CACNA1B: variants seen among roughly 807,000 people sequenced by gnomAD.
The protein encoded by CACNA1B is voltage-dependent N-type calcium channel subunit alpha-1B.
Under a neutral mutation model 247.2 loss-of-function variants are expected in CACNA1B, and 70 were observed. That is an observed-to-expected ratio of 0.28 (90% CI 0.23 to 0.35). The LOEUF (loss-of-function observed/expected upper bound fraction) is 0.35. Among genes scored for constraint, CACNA1B ranks in the 10% least tolerant of loss-of-function variants. CACNA1B has a pLI of 1.00. For synonymous variants in CACNA1B, 1,231 were observed against 1,294.4 expected, an observed-to-expected ratio of 0.95 and a Z score of 1.05; for missense variants, 2,367 against 3,197.4, an observed-to-expected ratio of 0.74 and a Z score of 6.26.
At chr9:137,972,217 C>G (rs1346869203) in intron 11 of CACNA1B, among the ~76,000 whole-genome samples, 2 of 152,188 alleles carry the variant, frequency 1.3e-5, no homozygotes. Context: ...GCCTCGGACT[C>G]TCTGTCCCAT....
intron 18 of CACNA1B, among the ~76,000 whole-genome samples, chr9:138,016,486 C>T (rs529029980): frequency 3.3e-5 from 5 of 152,314 alleles, no homozygotes; most frequent in South Asian, 2.1e-4. Context: ...TCCTGGTGGC[C>T]CAGAGGCGCC....
chr9:137,957,233 C>T lies in CACNA1B; in HGVS notation c.1244-365C>T, dbSNP rs1291367912. Among the ~76,000 whole-genome samples the T allele has an allele frequency of 6.6e-6, 1 of 152,232 alleles. No individual in the cohort carries two copies. Among genetic ancestry groups the T allele is most frequent in the Non-Finnish European group, 1.5e-5 (1 of 68,044 alleles). On this transcript the variant is annotated intron_variant, in intron 9 of 46. Coordinates refer to ENST00000371372, the MANE Select transcript of CACNA1B (RefSeq NM_000718.4). The surrounding 1 kb of genome is among the most constrained non-coding windows in gnomAD (Gnocchi z 4.7). ...CAGGGCCAGACAGCATGGGCACTTC[C>T]GTGGCAATCTCAGCCGGCCCCATGC... is the stretch of plus-strand genomic sequence containing the variant.
At chr9:137,892,317 C>T (rs1174337520) in intron 3 of CACNA1B, 1 of 456,682 alleles carries the variant, frequency 2.2e-6, no homozygotes, top group Non-Finnish European at 4.4e-6. Context: ...TCCTGGCTGG[C>T]AGATGACTGC....
chr9:137,882,652 C>A lies in CACNA1B; in HGVS notation c.391-92C>A. ...AGACCCTCACGATAGCTGTGGCCTG[C>A]ACATGGTGGGGTGGGGTCCTCACCA... On this transcript the variant is annotated intron_variant, in intron 2 of 46. Coordinates refer to ENST00000371372, the MANE Select transcript of CACNA1B (RefSeq NM_000718.4). This position sits in a 1 kb window ranked among gnomAD's most constrained non-coding sequence, Gnocchi z 4.0. The A allele has an allele frequency of 1.4e-6, 2 of 1,453,834 alleles. No homozygotes were observed. Among genetic ancestry groups the A allele is most frequent in the Non-Finnish European group, 1.9e-6 (2 of 1,046,946 alleles). The allele number at this position is 1,453,834 out of a possible 1,614,324, so 90.1% of individuals were successfully genotyped here.
chr9:138,121,472 A>G lies in CACNA1B; in HGVS notation c.6493A>G (p.Ser2165Gly). The G allele has an allele frequency of 6.8e-7, 1 of 1,479,428 alleles. No individual in the cohort carries two copies. Among genetic ancestry groups the G allele is most frequent in the Non-Finnish European group, 9.0e-7 (1 of 1,109,934 alleles). 91.6% of individuals were successfully genotyped at this position (1,479,428 alleles called of 1,614,324 possible). The change falls in exon 47 of 47, where the codon AGT (serine) becomes GGT (glycine). Residue 2165 changes from serine to glycine, a missense_variant. By Grantham distance (56) the Ser-to-Gly change is moderately conservative. Around this residue, in one of 12 missense-constraint regions of CACNA1B, gnomAD observed 773 missense variants for 779.4 expected, o/e 0.99. Coordinates refer to ENST00000371372, the MANE Select transcript of CACNA1B (RefSeq NM_000718.4). This position sits in a 1 kb window ranked among gnomAD's most constrained non-coding sequence, Gnocchi z 6.8. ...GTTCTGGTCCATTTTCATGTAGGGC[A>G]GTGGTTCCGTGAATGGGAGCCCCTT... ...GQEPGPHPQG[S>G]GSVNGSPLLS...
chr9:137,960,319 G>C (rs1196606035), intron 10 of CACNA1B, among the ~76,000 whole-genome samples: 2 of 150,554 alleles, frequency 1.3e-5, no homozygotes, highest in South Asian at 2.1e-4. Flanking sequence ...CACGGGGCGT[G>C]GGGTGGCGAG....
At chr9:137,999,743 A>C (rs1958543255) in intron 15 of CACNA1B, among the ~76,000 whole-genome samples, 1 of 152,170 alleles carries the variant, frequency 6.6e-6, no homozygotes, top group African/African-American at 2.4e-5. Context: ...CAGTGGGCTC[A>C]AGCGATCCTC....
intron 23 of CACNA1B, among the ~76,000 whole-genome samples, chr9:138,048,721 T>C (rs1312510510): frequency 1.3e-5 from 2 of 152,196 alleles, no homozygotes; most frequent in African/African-American, 4.8e-5. Flanking sequence ...AGGTTTGTTT[T>C]GGTTTGGTTT....
intron 6 of CACNA1B, among the ~76,000 whole-genome samples, chr9:137,921,097 T>C (rs1449177619): frequency 6.6e-6 from 1 of 152,030 alleles, no homozygotes; most frequent in Non-Finnish European, 1.5e-5. Context: ...TAAAACTATG[T>C]GAGAGGATGA....
At position 138,121,415 on chromosome 9, in the gene CACNA1B, G is replaced by C. The variant is rs911717146; in HGVS notation, c.6490-54G>C. 34 of 1,090,518 alleles carry C rather than the reference G, an allele frequency of 3.1e-5. No homozygotes were observed. The African/African-American group carries it at 4.1e-4, about 13-fold the overall frequency. 67.6% of individuals were successfully genotyped at this position (1,090,518 alleles called of 1,614,324 possible). A position where few individuals can be genotyped will look rare whatever the true frequency, so the allele number is the denominator to read the frequency against. On this transcript the variant is annotated intron_variant, in intron 46 of 46. Coordinates refer to ENST00000371372, the MANE Select transcript of CACNA1B (RefSeq NM_000718.4). The surrounding 1 kb of genome is among the most constrained non-coding windows in gnomAD (Gnocchi z 6.8). Reference sequence around the variant, plus strand: ...TGTGATGTGCTCTGTCTGTTGGTTCGGCTTTTTTTTTTTTTTTTTTACCTC... The same window carrying C: ...TGTGATGTGCTCTGTCTGTTGGTTCCGCTTTTTTTTTTTTTTTTTTACCTC...
intron 39 of CACNA1B, among the ~76,000 whole-genome samples, chr9:138,107,218 T>TTTTTTTTA (rs1554759298): frequency 4.4e-5 from 6 of 135,788 alleles, no homozygotes; most frequent in African/African-American, 8.2e-5. Context: ...AATCATCTTA[T>TTTTTTTTA]TTTATTTATT....
At chr9:137,939,796 C>G in intron 6 of CACNA1B, among the ~76,000 whole-genome samples, 1 of 147,110 alleles carries the variant, frequency 6.8e-6, no homozygotes, top group Non-Finnish European at 1.5e-5. Flanking sequence ...GAGCAAGACT[C>G]CGTCTCAAAA....
intron 3 of CACNA1B, among the ~76,000 whole-genome samples, chr9:137,896,167 T>A (rs768026591): frequency 2.3e-4 from 32 of 140,022 alleles, no homozygotes; most frequent in Non-Finnish European, 3.6e-4. Flanking sequence ...TGAACCTGGG[T>A]GGCGGAGCTT....
chr9:138,062,387 G>T lies in CACNA1B; in HGVS notation c.4668+2650G>T, dbSNP rs188220778. On this transcript the variant is annotated intron_variant, in intron 31 of 46. Transcript: ENST00000371372. Reference sequence around the variant, plus strand: ...CCCATGAAGTGATGGCGGGAGTGAGGTGAGGACGTCATTGGTCAACAGAGG... The same window carrying T: ...CCCATGAAGTGATGGCGGGAGTGAGTTGAGGACGTCATTGGTCAACAGAGG... 1.4e-3 allele frequency among the ~76,000 whole-genome samples: 216 copies of T among 152,288 alleles called. 2 individuals carry two copies. The highest frequency in any genetic ancestry group is 5.1e-3 in the African/African-American group (212 of 41,544).
chr9:138,113,776 A>C (rs1434945671), intron 40 of CACNA1B, among the ~76,000 whole-genome samples: 3 of 126,116 alleles, frequency 2.4e-5, no homozygotes, highest in Non-Finnish European at 3.3e-5. Flanking sequence ...GAGGGAGCGC[A>C]GGAAGGTGCC....
chr9:137,983,683 A>G (rs1201407800), intron 12 of CACNA1B, among the ~76,000 whole-genome samples: 1 of 152,006 alleles, frequency 6.6e-6, no homozygotes, highest in Admixed American at 6.6e-5. Flanking sequence ...AGGGGAAGTT[A>G]CAGGGAGACA....
rs1457103352 is a variant in CACNA1B, at chr9:137,880,554, A to G, written c.390+1395A>G. The stretch of plus-strand genomic sequence containing the variant: ...GAGGATCAAGCTGTCTTGCCCTGCC[A>G]GGCAGTGGGTGTCCAGCCTTGCAAG... On this transcript the variant is annotated intron_variant, in intron 2 of 46. Transcript: ENST00000371372. The surrounding 1 kb of genome is among the most constrained non-coding windows in gnomAD (Gnocchi z 4.8). Among the ~76,000 whole-genome samples, 1 of 152,182 alleles carries G rather than the reference A, an allele frequency of 6.6e-6. No individual in the cohort carries two copies. The highest frequency in any genetic ancestry group is 2.1e-4 in the South Asian group (1 of 4,834).
rs538299152 is a variant in CACNA1B at position 138,000,161 on chromosome 9, C to T, written c.1975-6606C>T. Among the ~76,000 whole-genome samples, 246 of 149,252 alleles carry T rather than the reference C, an allele frequency of 1.6e-3. 1 individual carries two copies. Among genetic ancestry groups the T allele is most frequent in the African/African-American group, 5.3e-3 (212 of 40,374 alleles). ...TCGCCCAGGCTGGAGTGCAGTGGTG[C>T]GATCTCGGCTCACTGCAAGCTCCGC... is the stretch of plus-strand genomic sequence containing the variant. On this transcript the variant is annotated intron_variant, in intron 15 of 46. Coordinates refer to ENST00000371372, the MANE Select transcript of CACNA1B (RefSeq NM_000718.4).
intron 18 of CACNA1B, 140 bp downstream of exon 18, chr9:138,013,375 C>T (rs901377974): frequency 1.5e-5 from 9 of 608,056 alleles, no homozygotes; most frequent in East Asian, 8.8e-5. Flanking sequence ...AGCCCCTCCT[C>T]GGAACTGGGA....
Sources: allele counts gnomAD v4.1 joint callset (sites outside exome capture counted in the v4.1 genomes callset), GRCh38; gene constraint gnomAD v4.1.1; regional missense constraint gnomAD v4.1.1; non-coding constraint Gnocchi (gnomAD v3.1); transcripts MANE v1.5; gene names NCBI Gene and HGNC (gene_info 2026-07-23, HGNC 2026-07-21).